The following ASTN2 variants were observed in gnomAD, a reference collection of about 807,000 sequenced individuals.
ASTN2 encodes the protein astrotactin 2.
In ASTN2, 54 loss-of-function variants were observed where a neutral mutation model predicts 139.8. The observed-to-expected ratio is 0.39, with a 90% CI of 0.31 to 0.48. ASTN2 has a LOEUF of 0.48. ASTN2 is among the 20% of genes least tolerant of loss of function. ASTN2 has a pLI of 0.95. For missense variants in ASTN2, 1,565 were observed against 1,725.1 expected (o/e 0.91, Z 1.64); for synonymous variants, 756 against 719.5 (o/e 1.05, Z -0.81).
At chr9:116,594,550 G>A (rs958110840) in intron 19 of ASTN2, among the ~76,000 whole-genome samples, 5 of 152,182 alleles carry the variant, frequency 3.3e-5, no homozygotes, top group African/African-American at 1.2e-4. Flanking sequence ...AACATCAGAA[G>A]AGTCCAGTCT....
intron 10 of ASTN2, among the ~76,000 whole-genome samples, chr9:116,876,343 G>C (rs10817950): frequency 0.35 from 52,858 of 152,090 alleles, 9,908 homozygotes; most frequent in East Asian, 0.53. Context: ...TTCTTGTGGA[G>C]GAGCAAAGAA....
chr9:116,425,752 C>T lies in ASTN2; in HGVS notation c.*99G>A. On this transcript the variant is annotated 3_prime_UTR_variant, in exon 23 of 23. Coordinates refer to ENST00000313400, the MANE Select transcript of ASTN2 (RefSeq NM_001365068.1). Reference sequence around the variant, plus strand: ...GCAAGCTTCATCTGCTAGGCCCATCCTCAGCTGTCCCCCAGCCCACCCAGG... The same window carrying T: ...GCAAGCTTCATCTGCTAGGCCCATCTTCAGCTGTCCCCCAGCCCACCCAGG... The T allele has an allele frequency of 1.3e-5, 21 of 1,605,296 alleles. No homozygotes were observed. The highest frequency in any genetic ancestry group is 1.8e-5 in the Non-Finnish European group (21 of 1,175,320).
At chr9:116,709,222 G>A (rs1828075545) in intron 16 of ASTN2, among the ~76,000 whole-genome samples, 1 of 152,112 alleles carries the variant, frequency 6.6e-6, no homozygotes, top group African/African-American at 2.4e-5. Flanking sequence ...TCACCTATAG[G>A]AAAAAGTCTC....
intron 16 of ASTN2, among the ~76,000 whole-genome samples, chr9:116,658,121 G>A (rs970519563): frequency 6.6e-6 from 1 of 151,710 alleles, no homozygotes; most frequent in Non-Finnish European, 1.5e-5. Flanking sequence ...TTTTGTTTTT[G>A]CAAAGAACTA....
intron 13 of ASTN2, among the ~76,000 whole-genome samples, chr9:116,778,849 A>T (rs1830149207): frequency 6.6e-6 from 1 of 152,170 alleles, no homozygotes; most frequent in African/African-American, 2.4e-5. Flanking sequence ...GGGGGCCCGA[A>T]TCTAAATGAT....
chr9:116,643,465 G>T (rs1379372080), intron 17 of ASTN2, among the ~76,000 whole-genome samples: 5 of 152,162 alleles, frequency 3.3e-5, no homozygotes, highest in African/African-American at 1.2e-4. Context: ...ATGTTTCATA[G>T]ACTTGATTTA....
Position 116,497,765 on chromosome 9 carries a change from C to T in ASTN2, c.3356-10265G>A, listed in dbSNP as rs530519128. Among the ~76,000 whole-genome samples, 206 of 152,240 alleles carry T rather than the reference C, an allele frequency of 1.4e-3. 1 individual carries two copies. The highest frequency in any genetic ancestry group is 4.5e-3 in the African/African-American group (188 of 41,546). ...AAGGAAGGCCAAGTTCTCCTCCCCCCCAATCACTCTTTAAGGACCACAGTG... is the reference window on the plus strand; with the variant it reads ...AAGGAAGGCCAAGTTCTCCTCCCCCTCAATCACTCTTTAAGGACCACAGTG... On this transcript the variant is annotated intron_variant, in intron 19 of 22. Transcript: ENST00000313400.
intron 10 of ASTN2, 152 bp from the exon 11 acceptor site, chr9:116,863,885 G>T (rs1483441681): frequency 2.3e-6 from 2 of 872,310 alleles, no homozygotes; most frequent in East Asian, 2.7e-5. Flanking sequence ...ACAACAACAG[G>T]TATACCATCA....
intron 12 of ASTN2, among the ~76,000 whole-genome samples, chr9:116,808,537 A>T (rs1831088473): frequency 6.6e-6 from 1 of 152,200 alleles, no homozygotes; most frequent in African/African-American, 2.4e-5. Context: ...ATTGCACAGT[A>T]TAAATGTACC....
chr9:117,114,566 C>T (rs556537967), intron 4 of ASTN2, among the ~76,000 whole-genome samples: 1 of 151,186 alleles, frequency 6.6e-6, no homozygotes, highest in South Asian at 2.1e-4. Context: ...GTCAGAAAAC[C>T]TAAGTTTGAG....
chr9:116,654,155 C>T (rs915940340), intron 16 of ASTN2, among the ~76,000 whole-genome samples: 1 of 152,170 alleles, frequency 6.6e-6, no homozygotes. Context: ...CACGCTCTGG[C>T]CTAGGTCAAC....
At chr9:116,993,876 A>ATATATATATATT (rs1030120382) in intron 7 of ASTN2, among the ~76,000 whole-genome samples, 1,461 of 141,876 alleles carry the variant, frequency 0.01, 24 homozygotes, top group East Asian at 0.06. Context: ...ATATATATAT[A>ATATATATATATT]TTTTAACTAT....
At chr9:117,146,475 G>GA (rs61356397) in intron 3 of ASTN2, among the ~76,000 whole-genome samples, 3,968 of 120,606 alleles carry the variant, frequency 0.033, 93 homozygotes, top group Non-Finnish European at 0.045. Context: ...GAAGAGGAGA[G>GA]AAAAAAAAAA....
intron 3 of ASTN2, among the ~76,000 whole-genome samples, chr9:117,189,392 CA>C (rs1831290341): frequency 6.6e-6 from 1 of 152,116 alleles, no homozygotes; most frequent in African/African-American, 2.4e-5. Flanking sequence ...GTTAAGATGG[CA>C]TTGACTAGAA....
chr9:117,072,764 T>C (rs1480625197), intron 5 of ASTN2, among the ~76,000 whole-genome samples: 1 of 152,140 alleles, frequency 6.6e-6, no homozygotes, highest in Non-Finnish European at 1.5e-5. Context: ...AACTAAGGTA[T>C]ATAGAATTTA....
At chr9:117,190,331 A>T (rs142676315) in intron 3 of ASTN2, among the ~76,000 whole-genome samples, 1 of 152,214 alleles carries the variant, frequency 6.6e-6, no homozygotes, top group African/African-American at 2.4e-5. Flanking sequence ...ACAAAACATT[A>T]TGTAGGGGCT....
intron 5 of ASTN2, among the ~76,000 whole-genome samples, chr9:117,088,152 A>G (rs1451614138): frequency 6.6e-6 from 1 of 152,164 alleles, no homozygotes. Flanking sequence ...ATGAGAAGTG[A>G]TGGATAAAGG....
At chr9:117,338,299 C>A (rs1331204805) in intron 1 of ASTN2, among the ~76,000 whole-genome samples, 1 of 152,104 alleles carries the variant, frequency 6.6e-6, no homozygotes. Context: ...TCTCCCCCAA[C>A]CTTTTAATCC....
intron 3 of ASTN2, among the ~76,000 whole-genome samples, chr9:117,213,013 T>C (rs182395911): frequency 5.9e-4 from 90 of 152,222 alleles, no homozygotes; most frequent in Admixed American, 1.4e-3. Context: ...TCCACAATAG[T>C]CAAGATATGG....
Sources: gnomAD v4.1 joint callset for allele counts (sites outside exome capture counted in the v4.1 genomes callset) on GRCh38, gnomAD v4.1.1 for gene constraint, MANE v1.5 for transcripts, NCBI Gene and HGNC (gene_info 2026-07-23, HGNC 2026-07-21) for gene names.